The following GRIK1 variants were observed in gnomAD, a reference collection of about 807,000 sequenced individuals.
The protein encoded by GRIK1 is glutamate ionotropic receptor kainate type subunit 1.
In GRIK1, 69 loss-of-function variants were observed where a neutral mutation model predicts 105.7. The observed-to-expected ratio is 0.65, with a 90% CI of 0.54 to 0.80. The LOEUF is 0.80. GRIK1 is among the 30% of genes least tolerant of loss of function. The pLI is 0.00. For missense variants in GRIK1, 1,109 were observed against 1,167.3 expected (o/e 0.95, Z 0.73); for synonymous variants, 438 against 431.3 (o/e 1.02, Z -0.19).
chr21:29,820,300 A>G (rs1330426314), intron 1 of GRIK1, among the ~76,000 whole-genome samples: 1 of 152,092 alleles, frequency 6.6e-6, no homozygotes, highest in Admixed American at 6.6e-5. Context: ...TTTTATCAAG[A>G]TCACCATGGG....
chr21:29,547,681 C>T (rs547625665), intron 16 of GRIK1, among the ~76,000 whole-genome samples: 31 of 152,312 alleles, frequency 2.0e-4, no homozygotes, highest in African/African-American at 3.8e-4. Flanking sequence ...ATATTAGAAA[C>T]GTTATTTCTA....
intron 1 of GRIK1, among the ~76,000 whole-genome samples, chr21:29,814,554 G>T (rs1163355337): frequency 6.6e-6 from 1 of 152,038 alleles, no homozygotes; most frequent in Non-Finnish European, 1.5e-5. Context: ...AGATAAAGTT[G>T]TCAGAGAGGA....
chr21:29,848,174 C>T (rs185442200), intron 1 of GRIK1, among the ~76,000 whole-genome samples: 4 of 152,096 alleles, frequency 2.6e-5, no homozygotes, highest in African/African-American at 9.7e-5. Flanking sequence ...GCACTTTTAC[C>T]ACCCTAAGAC....
At chr21:29,545,777 C>T (rs2090041544) in intron 16 of GRIK1, among the ~76,000 whole-genome samples, 1 of 152,278 alleles carries the variant, frequency 6.6e-6, no homozygotes, top group Non-Finnish European at 1.5e-5. Flanking sequence ...AGTGGGAATG[C>T]ATTTTTCTCA....
At chr21:29,907,133 CT>C (rs375444235) in intron 1 of GRIK1, among the ~76,000 whole-genome samples, 1 of 150,886 alleles carries the variant, frequency 6.6e-6, no homozygotes, top group Admixed American at 6.6e-5. Context: ...GTCATTGCTG[CT>C]TTTTTTGTTT....
At chr21:29,859,901 T>G (rs982540399) in intron 1 of GRIK1, among the ~76,000 whole-genome samples, 1 of 152,218 alleles carries the variant, frequency 6.6e-6, no homozygotes, top group Non-Finnish European at 1.5e-5. Context: ...GAAATAATGA[T>G]ACGTAACTCA....
At chr21:29,587,329 C>T in intron 12 of GRIK1, 37 bp downstream of exon 12, 3 of 1,325,654 alleles carry the variant, frequency 2.3e-6, no homozygotes, top group Non-Finnish European at 3.3e-6. Flanking sequence ...TGAGACTGAC[C>T]TACACCTCTT....
At chr21:29,750,638 G>A (rs1168018982) in intron 1 of GRIK1, among the ~76,000 whole-genome samples, 1 of 152,080 alleles carries the variant, frequency 6.6e-6, no homozygotes, top group Non-Finnish European at 1.5e-5. Flanking sequence ...TTGATTTTCT[G>A]ATGAGGGTCA....
intron 16 of GRIK1, among the ~76,000 whole-genome samples, chr21:29,545,743 G>A (rs73348550): frequency 0.011 from 1,671 of 152,084 alleles, 31 homozygotes; most frequent in African/African-American, 0.039. Context: ...CATAGTTTTC[G>A]GGGTACCAGT....
At chr21:29,756,814 C>T (rs1202956894) in intron 1 of GRIK1, among the ~76,000 whole-genome samples, 1 of 152,040 alleles carries the variant, frequency 6.6e-6, no homozygotes, top group Non-Finnish European at 1.5e-5. Context: ...TAGTTTGCCA[C>T]TTGAAATACA....
rs1379537820 is a variant in GRIK1 at position 29,591,367 on chromosome 21, G to A, written c.1252-142C>T. On this transcript the variant is annotated intron_variant, in intron 9 of 17. Transcript: ENST00000327783. ...CATCACAGTGGAAGCTACTAAACGT[G>A]GGGAAATGAAACAACAGAGGAATGA... 3.0e-5 allele frequency: 20 copies of A among 668,418 alleles called. No individual in the cohort carries two copies. In the African/African-American group the frequency reaches 3.2e-4, roughly 11 times the overall value. 41.4% of individuals were successfully genotyped at this position (668,418 alleles called of 1,614,324 possible).
chr21:29,884,534 G>A lies in GRIK1; in HGVS notation c.118+54849C>T, dbSNP rs150956063. 2.2e-3 allele frequency among the ~76,000 whole-genome samples: 328 copies of A among 152,058 alleles called. 1 individual carries two copies. The highest frequency in any genetic ancestry group is 3.6e-3 in the Non-Finnish European group (246 of 67,918). ...AGGGAGAGAGTTACTTGATGGCCAT[G>A]TTCATCTCTCAGTTTGCCATTTGAT... On this transcript the variant is annotated intron_variant, in intron 1 of 17. Transcript: ENST00000327783.
intron 1 of GRIK1, among the ~76,000 whole-genome samples, chr21:29,904,837 T>C (rs1224723696): frequency 6.6e-6 from 1 of 152,158 alleles, no homozygotes. Flanking sequence ...GAGTCCTTTG[T>C]GTTAGGACTG....
intron 3 of GRIK1, among the ~76,000 whole-genome samples, chr21:29,674,774 C>G (rs756956577): frequency 1.1e-4 from 17 of 152,180 alleles, no homozygotes; most frequent in Non-Finnish European, 2.2e-4. Context: ...GTCAATTAAA[C>G]CTCTTTTCGT....
chr21:29,783,665 G>A (rs1195309039), intron 1 of GRIK1, among the ~76,000 whole-genome samples: 1 of 151,830 alleles, frequency 6.6e-6, no homozygotes, highest in East Asian at 1.9e-4. Context: ...TTTATTGACT[G>A]GTTTGTTGTT....
chr21:29,742,184 A>G lies in GRIK1; in HGVS notation c.119-48121T>C, dbSNP rs201572236. ...CAAAAATAGAATCATTCATGCAAAC[A>G]TGATTGAGTTCAATTTATTTCTGTT... On this transcript the variant is annotated intron_variant, in intron 1 of 17. Coordinates refer to ENST00000327783, the MANE Select transcript of GRIK1 (RefSeq NM_001330994.2). 3.3e-5 allele frequency among the ~76,000 whole-genome samples: 5 copies of G among 152,252 alleles called. No homozygotes were observed. In the East Asian group the frequency reaches 5.8e-4, roughly 18 times the overall value.
At chr21:29,902,034 A>G (rs1312621446) in intron 1 of GRIK1, among the ~76,000 whole-genome samples, 1 of 152,244 alleles carries the variant, frequency 6.6e-6, no homozygotes, top group Non-Finnish European at 1.5e-5. Flanking sequence ...AAACAGATCC[A>G]AAGACAAAAA....
intron 1 of GRIK1, among the ~76,000 whole-genome samples, chr21:29,885,360 G>C (rs183938301): frequency 2.0e-5 from 3 of 152,152 alleles, no homozygotes; most frequent in Non-Finnish European, 4.4e-5. Flanking sequence ...CCCTGACCTA[G>C]CTGTAGTTGG....
At chr21:29,804,706 G>A (rs919482692) in intron 1 of GRIK1, among the ~76,000 whole-genome samples, 4 of 152,032 alleles carry the variant, frequency 2.6e-5, no homozygotes, top group East Asian at 1.9e-4. Flanking sequence ...AAATATGAAC[G>A]GCTAATGTTT....
Sources: gnomAD v4.1 joint callset for allele counts (sites outside exome capture counted in the v4.1 genomes callset) on GRCh38, gnomAD v4.1.1 for gene constraint, MANE v1.5 for transcripts, NCBI Gene and HGNC (gene_info 2026-07-23, HGNC 2026-07-21) for gene names.